The following ATXN8OS variants were observed in gnomAD, a reference collection of about 807,000 sequenced individuals.
The protein encoded by ATXN8OS is ATXN8 opposite strand lncRNA.
chr13:70,155,695 A>G (rs150642317), intron 4 of ATXN8OS, among the ~76,000 whole-genome samples: 16 of 151,710 alleles, frequency 1.1e-4, no homozygotes, highest in Admixed American at 4.0e-4. Context: ...AGCAGAACCT[A>G]TTTCATAGTC....
At chr13:70,164,754 A>C (rs1408102394) in intron 4 of ATXN8OS, among the ~76,000 whole-genome samples, 1 of 152,008 alleles carries the variant, frequency 6.6e-6, no homozygotes, top group Non-Finnish European at 1.5e-5. Context: ...TCCTTTGTTC[A>C]AGTTGCCTGG....
At chr13:70,109,982 T>G (rs948651947) in intron 1 of ATXN8OS, among the ~76,000 whole-genome samples, 2 of 152,202 alleles carry the variant, frequency 1.3e-5, no homozygotes, top group Non-Finnish European at 2.9e-5. Context: ...TATTTTTCAT[T>G]CACCATTCAC....
intron 4 of ATXN8OS, among the ~76,000 whole-genome samples, chr13:70,162,048 G>T (rs1889016046): frequency 6.6e-6 from 1 of 151,702 alleles, no homozygotes. Flanking sequence ...GAAGAAAAAA[G>T]AGGAAAAGAA....
upstream of ATXN8OS, chr13:70,107,610 G>T (rs764920556): frequency 6.3e-7 from 1 of 1,590,884 alleles, no homozygotes; most frequent in Non-Finnish European, 8.6e-7. Flanking sequence ...CCGCCGGGCC[G>T]CCGGTGGAAG....
chr13:70,116,373 G>A (rs1033285489), intron 2 of ATXN8OS, among the ~76,000 whole-genome samples: 1 of 152,096 alleles, frequency 6.6e-6, no homozygotes, highest in African/African-American at 2.4e-5. Flanking sequence ...CACTGATAAG[G>A]TGGTATTTCT....
At chr13:70,154,425 T>C (rs1888911254) in intron 4 of ATXN8OS, among the ~76,000 whole-genome samples, 1 of 152,192 alleles carries the variant, frequency 6.6e-6, no homozygotes, top group Non-Finnish European at 1.5e-5. Context: ...ATTCTGCATC[T>C]GCTATTTTTG....
At chr13:70,107,711 A>C, upstream of ATXN8OS, 2 of 1,509,670 alleles carry the variant, frequency 1.3e-6, no homozygotes, top group Non-Finnish European at 1.8e-6. Flanking sequence ...CTTTACGCAC[A>C]GAAGGCAAAA....
chr13:70,168,966 A>T (rs1045424750), intron 4 of ATXN8OS, among the ~76,000 whole-genome samples: 2 of 152,098 alleles, frequency 1.3e-5, no homozygotes, highest in Admixed American at 1.3e-4. Flanking sequence ...TTGTTTGTTA[A>T]CTATAGAAGA....
chr13:70,115,386 A>C (rs899475142), intron 2 of ATXN8OS: 1 of 396,602 alleles, frequency 2.5e-6, no homozygotes, highest in African/African-American at 2.1e-5. Context: ...ACTTCCCAAC[A>C]CTGTGGCATT....
intron 4 of ATXN8OS, among the ~76,000 whole-genome samples, chr13:70,153,454 G>A (rs1888897302): frequency 6.6e-6 from 1 of 151,922 alleles, no homozygotes; most frequent in Non-Finnish European, 1.5e-5. Flanking sequence ...GTGCGCCTGT[G>A]ATCCTAGTTA....
chr13:70,151,363 G>A (rs1286765630), intron 4 of ATXN8OS, among the ~76,000 whole-genome samples: 1 of 151,972 alleles, frequency 6.6e-6, no homozygotes, highest in Non-Finnish European at 1.5e-5. Context: ...ACTATTTTAG[G>A]TATCTAAAAG....
chr13:70,124,009 A>G lies in ATXN8OS; in HGVS notation n.399-5775A>G, dbSNP rs147486111. Among the ~76,000 whole-genome samples the G allele has an allele frequency of 2.7e-3, 407 of 152,262 alleles. 2 individuals are homozygous for G. Among genetic ancestry groups the G allele is most frequent in the African/African-American group, 8.6e-3 (359 of 41,570 alleles). On this transcript the variant is annotated intron_variant and non_coding_transcript_variant, in intron 2 of 4. Coordinates refer to ENST00000678624, the Ensembl canonical transcript of ATXN8OS. ...AATTTATTTTGTTAATTTAATTTGT[A>G]CATAATAGATTTAGAGACACGACAT... is the stretch of plus-strand genomic sequence containing the variant.
chr13:70,145,779 C>T (rs905133132), intron 3 of ATXN8OS, among the ~76,000 whole-genome samples: 2 of 152,058 alleles, frequency 1.3e-5, no homozygotes, highest in Non-Finnish European at 2.9e-5. Context: ...TCTAGATATA[C>T]AATCATGTCA....
At chr13:70,124,459 A>T (rs1051489796) in intron 2 of ATXN8OS, among the ~76,000 whole-genome samples, 1 of 152,160 alleles carries the variant, frequency 6.6e-6, no homozygotes, top group Non-Finnish European at 1.5e-5. Flanking sequence ...GATGACAATC[A>T]AGAAAAAGCC....
At chr13:70,144,257 T>C (rs1205664885) in intron 3 of ATXN8OS, among the ~76,000 whole-genome samples, 1 of 152,260 alleles carries the variant, frequency 6.6e-6, no homozygotes, top group East Asian at 1.9e-4. Context: ...CCGTTTACAT[T>C]TCGCATAAAT....
intron 4 of ATXN8OS, among the ~76,000 whole-genome samples, chr13:70,149,706 TC>T (rs1888838881): frequency 6.6e-6 from 1 of 152,126 alleles, no homozygotes. Flanking sequence ...CAGCATGCCA[TC>T]GGGGAAAAGG....
chr13:70,109,541 G>T (rs1465862506), intron 1 of ATXN8OS, among the ~76,000 whole-genome samples: 1 of 151,704 alleles, frequency 6.6e-6, no homozygotes, highest in African/African-American at 2.4e-5. Context: ...AAAGTTGGAC[G>T]CTTTAATAAA....
At chr13:70,146,066 GAAAAA>G (rs36136268) in intron 3 of ATXN8OS, among the ~76,000 whole-genome samples, 2 of 118,244 alleles carry the variant, frequency 1.7e-5, no homozygotes, top group East Asian at 3.0e-4. Context: ...AAATTTACAA[GAAAAA>G]AAAAAAACAA....
At chr13:70,164,282 A>T (rs1889052374) in intron 4 of ATXN8OS, among the ~76,000 whole-genome samples, 1 of 151,708 alleles carries the variant, frequency 6.6e-6, no homozygotes, top group Non-Finnish European at 1.5e-5. Context: ...TTTCAAATAA[A>T]GTAATCCTCT....
Sources: gnomAD v4.1 joint callset for allele counts (sites outside exome capture counted in the v4.1 genomes callset) on GRCh38, gnomAD v4.1.1 for gene constraint, MANE v1.5 for transcripts, NCBI Gene and HGNC (gene_info 2026-07-23, HGNC 2026-07-21) for gene names.